The following UBAP2L variants were observed in gnomAD, a reference collection of about 807,000 sequenced individuals.
UBAP2L encodes the protein ubiquitin associated protein 2 like.
In UBAP2L, 12 loss-of-function variants were observed where a neutral mutation model predicts 130.6. The observed-to-expected ratio is 0.09, with a 90% CI of 0.06 to 0.15. The LOEUF (loss-of-function observed/expected upper bound fraction) is 0.15. Ranked by LOEUF, UBAP2L falls within the 10% of genes least tolerant of loss-of-function variation. UBAP2L has a pLI of 1.00. For synonymous variants in UBAP2L, 503 were observed against 524.7 expected, an observed-to-expected ratio of 0.96 and a Z score of 0.57; for missense variants, 965 against 1,332.5, an observed-to-expected ratio of 0.72 and a Z score of 4.29.
intron 1 of UBAP2L, among the ~76,000 whole-genome samples, chr1:154,221,643 A>AG (rs1409420695): frequency 3.3e-5 from 5 of 152,164 alleles, no homozygotes; most frequent in East Asian, 1.9e-4. Context: ...TGTGGCGCTG[A>AG]GGGGGGTGAG....
intron 10 of UBAP2L, among the ~76,000 whole-genome samples, chr1:154,244,491 G>T (rs1428810798): frequency 6.6e-6 from 1 of 152,016 alleles, no homozygotes; most frequent in Non-Finnish European, 1.5e-5. Context: ...TTCTGCCTCA[G>T]CCTCCCTAGT....
At chr1:154,245,758 CAAAA>C (rs752483138) in intron 10 of UBAP2L, among the ~76,000 whole-genome samples, 1 of 143,260 alleles carries the variant, frequency 7.0e-6, no homozygotes, top group African/African-American at 2.6e-5. Context: ...ATTAAAAATA[CAAAA>C]AAAAAAAATT....
chr1:154,262,314 C>T (rs1571949481), intron 24 of UBAP2L, among the ~76,000 whole-genome samples: 1 of 152,072 alleles, frequency 6.6e-6, no homozygotes, highest in East Asian at 1.9e-4. Context: ...TATGTGATGG[C>T]AGGGAGGGAA....
upstream of UBAP2L, chr1:154,220,508 C>G (rs1169009973): frequency 2.2e-6 from 3 of 1,351,832 alleles, no homozygotes; most frequent in Admixed American, 5.2e-5. Context: ...CCCTGGAGCT[C>G]CCCGGCCATT....
At chr1:154,237,856 A>G (rs940256836) in intron 8 of UBAP2L, among the ~76,000 whole-genome samples, 5 of 152,180 alleles carry the variant, frequency 3.3e-5, no homozygotes, top group African/African-American at 4.8e-5. Flanking sequence ...AAGCTGTGGT[A>G]TACACCTAAG....
chr1:154,256,411 A>C (rs552162695), intron 18 of UBAP2L, among the ~76,000 whole-genome samples: 1 of 152,280 alleles, frequency 6.6e-6, no homozygotes, highest in Admixed American at 6.5e-5. Context: ...CCAAGGCAGG[A>C]GGATTGCTTG....
At chr1:154,240,164 A>G (rs915592820) in intron 8 of UBAP2L, among the ~76,000 whole-genome samples, 3 of 152,166 alleles carry the variant, frequency 2.0e-5, no homozygotes, top group African/African-American at 7.2e-5. Context: ...TTGAAGAGTT[A>G]TTTAATATAT....
intron 24 of UBAP2L, 28 bp downstream of exon 24, chr1:154,261,725 G>C (rs750067080): frequency 2.5e-6 from 4 of 1,605,662 alleles, no homozygotes; most frequent in Non-Finnish European, 2.6e-6. Context: ...CTGGCTCGGT[G>C]TTATCTGTGG....
Position 154,255,695 on chromosome 1 carries a change from G to C in UBAP2L, c.2097G>C (p.Thr699=). 6.2e-7 allele frequency: 1 copy of C among 1,614,088 alleles called. No individual in the cohort carries two copies. Among genetic ancestry groups the C allele is most frequent in the Non-Finnish European group, 8.5e-7 (1 of 1,180,020 alleles). ...TTTTTTCTGACAGCACGTTATCTAC[G>C]CAGCAGAATACCCTTTCATCATCAA... The part of the protein sequence containing the change: ...TTTQHSSTLS[T]QQNTLSSSTS... Residue 699 remains threonine, a synonymous_variant, in exon 18 of 27, where the codon ACG becomes ACC. Coordinates refer to ENST00000428931, the MANE Select transcript of UBAP2L (RefSeq NM_014847.4).
At position 154,246,326 on chromosome 1, in the gene UBAP2L, C is replaced by T. The variant is rs1157128082; in HGVS notation, c.965C>T (p.Thr322Ile). ...QPLVFSNSKQTAISQPASGNT... is the reference protein window; with the variant it reads ...QPLVFSNSKQIAISQPASGNT... ...CTGGTGTTCAGTAATTCGAAGCAGACTGCCATATCACAGCCTGCTTCAGGG... is the reference window on the plus strand; with the variant it reads ...CTGGTGTTCAGTAATTCGAAGCAGATTGCCATATCACAGCCTGCTTCAGGG... Residue 322 changes from threonine (T) to isoleucine (I), a missense_variant, in exon 11 of 27, where the codon ACT (threonine) becomes ATT (isoleucine). Transcript: ENST00000428931. The T allele has an allele frequency of 1.9e-6, 3 of 1,613,602 alleles. No homozygotes were observed. The East Asian group carries it at 6.7e-5, about 36-fold the overall frequency.
intron 26 of UBAP2L, 130 bp downstream of exon 26, chr1:154,269,084 G>A: frequency 1.8e-6 from 2 of 1,108,818 alleles, no homozygotes; most frequent in Non-Finnish European, 1.3e-6. Flanking sequence ...CCAGTCATGG[G>A]CACACAGCAC....
chr1:154,260,652 T>C (rs1239386328), intron 22 of UBAP2L, among the ~76,000 whole-genome samples: 1 of 152,220 alleles, frequency 6.6e-6, no homozygotes, highest in Non-Finnish European at 1.5e-5. Context: ...AGGTGCCTTA[T>C]TCCAAGAGCC....
At chr1:154,265,592 C>G (rs1683012672) in intron 24 of UBAP2L, among the ~76,000 whole-genome samples, 1 of 152,024 alleles carries the variant, frequency 6.6e-6, no homozygotes, top group South Asian at 2.1e-4. Context: ...TGACCCGATG[C>G]CTTATACCCC....
upstream of UBAP2L, chr1:154,220,279 C>A: frequency 5.0e-6 from 8 of 1,591,266 alleles, no homozygotes; most frequent in Non-Finnish European, 5.2e-6. Context: ...GGGTACAGCT[C>A]AAAAGGAGGG....
chr1:154,258,209 A>T (rs1011867889), intron 20 of UBAP2L, among the ~76,000 whole-genome samples: 3 of 152,184 alleles, frequency 2.0e-5, no homozygotes, highest in Non-Finnish European at 4.4e-5. Flanking sequence ...AGGTTCAGAC[A>T]GTCCTCCTGC....
intron 12 of UBAP2L, among the ~76,000 whole-genome samples, chr1:154,250,586 G>A (rs1677242079): frequency 2.6e-5 from 4 of 152,148 alleles, no homozygotes; most frequent in Admixed American, 2.0e-4. Flanking sequence ...AGGTGCGGCA[G>A]CTCATGCCTG....
At chr1:154,220,691 C>T (rs1665594768), upstream of UBAP2L, 1 of 467,882 alleles carries the variant, frequency 2.1e-6, no homozygotes, top group Non-Finnish European at 3.9e-6. Context: ...TAAGAGGAAG[C>T]GGCGGCCATC....
intron 1 of UBAP2L, among the ~76,000 whole-genome samples, chr1:154,223,452 G>A (rs987688501): frequency 2.0e-5 from 3 of 151,800 alleles, no homozygotes; most frequent in African/African-American, 4.8e-5. Context: ...TTTTCCTCTC[G>A]TCTTTATATA....
intron 13 of UBAP2L, 77 bp from the exon 14 acceptor site, chr1:154,251,404 T>C: frequency 6.4e-7 from 1 of 1,571,104 alleles, no homozygotes; most frequent in Non-Finnish European, 8.6e-7. Flanking sequence ...TTTGGAAATT[T>C]AAAGGGAAGG....
Sources: gnomAD v4.1 joint callset for allele counts (sites outside exome capture counted in the v4.1 genomes callset) on GRCh38, gnomAD v4.1.1 for gene constraint, MANE v1.5 for transcripts, NCBI Gene and HGNC (gene_info 2026-07-23, HGNC 2026-07-21) for gene names.